The following RAB6A variants were observed in gnomAD, a reference collection of about 807,000 sequenced individuals.
RAB6A encodes the protein RAB6A, member RAS oncogene family.
Under a neutral mutation model 32.3 loss-of-function variants are expected in RAB6A, and 8 were observed. The ratio of observed to expected loss-of-function variants is 0.25; its 90% confidence interval spans 0.15 to 0.45. RAB6A has a LOEUF of 0.45. Among genes scored for constraint, RAB6A ranks in the 20% least tolerant of loss-of-function variants. The pLI, the probability that RAB6A is intolerant of heterozygous loss-of-function variation, is 1.00. For synonymous variants in RAB6A, 73 were observed against 82.1 expected, an observed-to-expected ratio of 0.89 and a Z score of 0.60; for missense variants, 104 against 249.4, an observed-to-expected ratio of 0.42 and a Z score of 3.93.
chr11:73,704,332 G>T, intron 6 of RAB6A: 1 of 243,012 alleles, frequency 4.1e-6, no homozygotes. Context: ...GCAATGAGCT[G>T]TGATCATGCC....
intron 1 of RAB6A, among the ~76,000 whole-genome samples, chr11:73,749,524 C>A (rs2135009670): frequency 6.6e-6 from 1 of 152,220 alleles, no homozygotes; most frequent in African/African-American, 2.4e-5. Context: ...AAAAGTTGTA[C>A]AGTATACAAC....
intron 4 of RAB6A, among the ~76,000 whole-genome samples, chr11:73,717,357 C>A (rs1946067421): frequency 6.6e-6 from 1 of 152,130 alleles, no homozygotes; most frequent in African/African-American, 2.4e-5. Context: ...TAGTGTGGTA[C>A]ACATTTTTTA....
intron 6 of RAB6A, among the ~76,000 whole-genome samples, chr11:73,687,839 A>G (rs746301209): frequency 3.4e-5 from 5 of 147,866 alleles, no homozygotes; most frequent in Non-Finnish European, 7.5e-5. Context: ...CTTGGGCAAC[A>G]AGAGGGAAAC....
chr11:73,688,468 T>C (rs1039735072), intron 6 of RAB6A, among the ~76,000 whole-genome samples: 17 of 152,182 alleles, frequency 1.1e-4, no homozygotes, highest in African/African-American at 3.9e-4. Flanking sequence ...ATATATAAAA[T>C]ACAATGAATT....
At chr11:73,688,410 C>T (rs528496249) in intron 6 of RAB6A, among the ~76,000 whole-genome samples, 9 of 152,238 alleles carry the variant, frequency 5.9e-5, no homozygotes, top group Non-Finnish European at 1.0e-4. Context: ...GTCTCAACAG[C>T]GGGGTAGACT....
At chr11:73,746,051 G>C (rs1371873147) in intron 1 of RAB6A, among the ~76,000 whole-genome samples, 1 of 151,700 alleles carries the variant, frequency 6.6e-6, no homozygotes, top group Non-Finnish European at 1.5e-5. Context: ...GATCAGTCAA[G>C]TGCAGAGTTC....
At chr11:73,703,607 T>C (rs1684866010) in intron 6 of RAB6A, among the ~76,000 whole-genome samples, 2 of 152,096 alleles carry the variant, frequency 1.3e-5, no homozygotes, top group South Asian at 4.1e-4. Flanking sequence ...CTAGACACAG[T>C]GGCATGCACT....
chr11:73,719,457 C>T (rs549741546), intron 3 of RAB6A, among the ~76,000 whole-genome samples: 30 of 152,252 alleles, frequency 2.0e-4, no homozygotes, highest in Non-Finnish European at 3.2e-4. Flanking sequence ...CACGCATGCA[C>T]GCGTGTGTGT....
chr11:73,730,067 A>G (rs1322460784), intron 2 of RAB6A: 6 of 152,396 alleles, frequency 3.9e-5, no homozygotes, highest in South Asian at 4.1e-4. Flanking sequence ...ATAACAAACT[A>G]TCTTTTCAAT....
intron 1 of RAB6A, among the ~76,000 whole-genome samples, chr11:73,750,616 C>G (rs996529121): frequency 6.6e-5 from 10 of 152,142 alleles, no homozygotes; most frequent in African/African-American, 2.4e-4. Flanking sequence ...CTTGGCCTCC[C>G]AAACTGTTGG....
At chr11:73,759,879 G>A (rs1392016464) in intron 1 of RAB6A, among the ~76,000 whole-genome samples, 2 of 152,164 alleles carry the variant, frequency 1.3e-5, no homozygotes, top group Non-Finnish European at 2.9e-5. Context: ...ACAAGCCACA[G>A]CCCCATCTAA....
intron 6 of RAB6A, among the ~76,000 whole-genome samples, chr11:73,685,592 G>GTCTTTTTTTTTTTTTTTTTTT (rs1555054185): frequency 6.9e-6 from 1 of 145,052 alleles, no homozygotes; most frequent in Non-Finnish European, 1.5e-5. Context: ...CGGACTGAAA[G>GTCTTTTTTTTTTTTTTTTTTT]TAGCGACCAG....
chr11:73,743,908 C>A (rs2134999206), intron 1 of RAB6A, among the ~76,000 whole-genome samples: 1 of 152,224 alleles, frequency 6.6e-6, no homozygotes, highest in African/African-American at 2.4e-5. Flanking sequence ...CCTAAGATTG[C>A]ATCTCTCTAA....
chr11:73,722,462 T>G (rs1000224108), intron 2 of RAB6A: 1 of 148,894 alleles, frequency 6.7e-6, no homozygotes, highest in Non-Finnish European at 1.5e-5. Context: ...TCCTCTCGAG[T>G]AGCTGGGACT....
At chr11:73,692,502 CAAAAAAAAAAAAAAAAA>C (rs34201129) in intron 6 of RAB6A, among the ~76,000 whole-genome samples, 1 of 56,436 alleles carries the variant, frequency 1.8e-5, no homozygotes, top group Non-Finnish European at 3.2e-5. Context: ...GACTCTGTCT[CAAAAAAAAAAAAAAAAA>C]AAAAGGAAAG....
At chr11:73,712,639 C>T (rs1945978014) in intron 5 of RAB6A, among the ~76,000 whole-genome samples, 1 of 152,008 alleles carries the variant, frequency 6.6e-6, no homozygotes. Context: ...GCATGAGCCA[C>T]CACGCTCGCC....
intron 6 of RAB6A, among the ~76,000 whole-genome samples, chr11:73,681,472 G>T (rs539010583): frequency 5.1e-4 from 77 of 152,318 alleles, no homozygotes; most frequent in African/African-American, 1.7e-3. Context: ...AGAACAGAAT[G>T]CCTAGAAGGA....
chr11:73,694,991 G>A (rs1945634083), intron 6 of RAB6A, among the ~76,000 whole-genome samples: 1 of 152,028 alleles, frequency 6.6e-6, no homozygotes, highest in African/African-American at 2.4e-5. Context: ...ACTCAAGCCT[G>A]GGCAACACGC....
chr11:73,739,280 A>ATACATATATATATATATATATATATATAT (rs1389085059), intron 1 of RAB6A, among the ~76,000 whole-genome samples: 5 of 18,422 alleles, frequency 2.7e-4, no homozygotes, highest in African/African-American at 6.0e-4. Context: ...AAAAAAAAAA[A>ATACATATATATATATATATATATATATAT]AAAAATATAT....
Sources: allele counts gnomAD v4.1 joint callset (sites outside exome capture counted in the v4.1 genomes callset), GRCh38; gene constraint gnomAD v4.1.1; transcripts MANE v1.5; gene names NCBI Gene and HGNC (gene_info 2026-07-23, HGNC 2026-07-21).